The following SNAPC3 variants were observed in gnomAD, a reference collection of about 807,000 sequenced individuals.
SNAPC3 encodes the protein snRNA-activating protein complex subunit 3.
Under a neutral mutation model 47.7 loss-of-function variants are expected in SNAPC3, and 56 were observed. That is an observed-to-expected ratio of 1.18 (90% CI 0.95 to 1.47). The LOEUF is 1.47. Ranked by LOEUF, SNAPC3 falls within the 40% of genes most tolerant of loss-of-function variation. SNAPC3 has a pLI of 0.00. For missense variants in SNAPC3, 665 were observed against 511.3 expected (o/e 1.30, Z -2.90); for synonymous variants, 235 against 189.9 (o/e 1.24, Z -1.95).
Position 15,423,138 on chromosome 9 carries a change from G to A in SNAPC3, c.259G>A (p.Ala87Thr), listed in dbSNP as rs746274132. 5.8e-6 allele frequency: 9 copies of A among 1,563,496 alleles called. No homozygotes were observed. Among genetic ancestry groups the A allele is most frequent in the African/African-American group, 1.4e-5 (1 of 71,164 alleles). Residue 87 changes from alanine (A) to threonine (T), a missense_variant, in exon 1 of 9, where the codon GCC (alanine) becomes ACC (threonine). Physicochemically the swap from Ala to Thr is moderately conservative, Grantham distance 58 (BLOSUM62 0). Transcript: ENST00000380821. Reference protein sequence around the residue: ...ADSDREDAAVARDLDCSLEAA... With the variant: ...ADSDREDAAVTRDLDCSLEAA... ...CTCCGACCGGGAGGATGCCGCGGTG[G>A]CCAGGGATCTGGACTGCAGCCTGGA...
intron 3 of SNAPC3, among the ~76,000 whole-genome samples, chr9:15,437,153 A>G (rs2032899765): frequency 6.6e-6 from 1 of 151,426 alleles, no homozygotes; most frequent in African/African-American, 2.4e-5. Context: ...CTCTTTATGT[A>G]TACAACCCTT....
chr9:15,435,937 A>C (rs147358703), intron 3 of SNAPC3, among the ~76,000 whole-genome samples: 1 of 143,076 alleles, frequency 7.0e-6, no homozygotes, highest in African/African-American at 2.6e-5. Context: ...TCCATCTCCC[A>C]GGTTCAAGTG....
chr9:15,450,939 T>C (rs1172212148), intron 5 of SNAPC3, among the ~76,000 whole-genome samples: 1 of 152,210 alleles, frequency 6.6e-6, no homozygotes, highest in African/African-American at 2.4e-5. Context: ...GAGAGAATTT[T>C]TGTAAAAACA....
Position 15,453,188 on chromosome 9 carries a change from T to G in SNAPC3, c.963T>G (p.Ile321Met). The change falls in exon 7 of 9, where the codon ATT (isoleucine) becomes ATG (methionine). Residue 321 changes from isoleucine (I) to methionine (M), a missense_variant. Physicochemically the swap from Ile to Met is conservative, Grantham distance 10. Transcript: ENST00000380821. ...ATCAGGGAGACTGTGAACATGTCAT[T>G]GTCATTACTGACATAAGGTAGGTGA... ...YCHQGDCEHV[I>M]VITDIRLVHH... 1 of 1,612,600 alleles carries G rather than the reference T, an allele frequency of 6.2e-7. No homozygotes were observed. The highest frequency in any genetic ancestry group is 1.7e-5 in the Admixed American group (1 of 59,852).
rs1387418295 is a variant in SNAPC3, at chr9:15,460,497, TCTC to T, written c.*634_*636del. On this transcript the variant is annotated 3_prime_UTR_variant, in exon 9 of 9. Coordinates refer to ENST00000380821, the MANE Select transcript of SNAPC3 (RefSeq NM_001039697.2). ...CCTCCGCCTCCCGGATTCAAGTGATTCTCCTGCCACAGCCTCCTGAGTAGCTGG... is the reference window on the plus strand; with the variant it reads ...CCTCCGCCTCCCGGATTCAAGTGATTCTGCCACAGCCTCCTGAGTAGCTGG... 5 of 152,264 alleles carry T rather than the reference TCTC, an allele frequency of 3.3e-5. No homozygotes were observed. Among genetic ancestry groups the T allele is most frequent in the Non-Finnish European group, 5.9e-5 (4 of 68,086 alleles). 9.4% of individuals were successfully genotyped at this position (152,264 alleles called of 1,614,324 possible).
rs920632602 is a variant in SNAPC3, at chr9:15,456,308, C to T, written c.981-1652C>T. Among the ~76,000 whole-genome samples, 6 of 152,298 alleles carry T rather than the reference C, an allele frequency of 3.9e-5. No homozygotes were observed. In the East Asian group the frequency reaches 1.2e-3, roughly 29 times the overall value. ...TACAGGCAAGAGCCACTGCGCCTGG[C>T]CTTTTCCGTACATTTCTTATAGTGT... On this transcript the variant is annotated intron_variant, in intron 7 of 8. Transcript: ENST00000380821.
At chr9:15,457,825 T>C (rs2034910786) in intron 7 of SNAPC3, 135 bp from the exon 8 acceptor site, 1 of 584,976 alleles carries the variant, frequency 1.7e-6, no homozygotes, top group Non-Finnish European at 2.9e-6. Context: ...AACAAGTAAT[T>C]CAGCAACATC....
At chr9:15,430,352 A>G (rs888758177) in intron 2 of SNAPC3, among the ~76,000 whole-genome samples, 2 of 152,150 alleles carry the variant, frequency 1.3e-5, no homozygotes, top group African/African-American at 4.8e-5. Context: ...GGATCACTTG[A>G]GCCTAGGAGA....
chr9:15,424,610 C>T (rs780764920), intron 2 of SNAPC3, among the ~76,000 whole-genome samples: 21 of 152,152 alleles, frequency 1.4e-4, no homozygotes, highest in Non-Finnish European at 2.6e-4. Flanking sequence ...ATGGAAGTTT[C>T]TAAATGCTTA....
intron 4 of SNAPC3, 44 bp downstream of exon 4, chr9:15,444,750 T>C (rs2033790969): frequency 9.7e-7 from 1 of 1,028,496 alleles, no homozygotes; most frequent in Non-Finnish European, 1.5e-6. Context: ...ATAGTAACTT[T>C]TGTAAAAGTG....
downstream of SNAPC3, chr9:15,466,596 T>C: frequency 1.7e-6 from 1 of 590,924 alleles, no homozygotes; most frequent in South Asian, 2.9e-5. Context: ...TTTACTCTTC[T>C]TCCTTTTTGA....
chr9:15,445,417 C>T lies in SNAPC3; in HGVS notation c.582+711C>T, dbSNP rs536180385. ...AAGTTATTGAACTAACCAGAGACAG[C>T]TCTTCTTTGATGAAAATACAGAACA... On this transcript the variant is annotated intron_variant, in intron 4 of 8. Coordinates refer to ENST00000380821, the MANE Select transcript of SNAPC3 (RefSeq NM_001039697.2). Among the ~76,000 whole-genome samples, 33 of 152,238 alleles carry T rather than the reference C, an allele frequency of 2.2e-4. No individual in the cohort carries two copies. The South Asian group carries it at 6.4e-3, about 30-fold the overall frequency.
intron 1 of SNAPC3, 141 bp downstream of exon 1, chr9:15,423,334 C>G (rs2030849557): frequency 2.4e-6 from 2 of 822,062 alleles, no homozygotes; most frequent in Non-Finnish European, 3.6e-6. Context: ...AAGCTTTCAA[C>G]CCGCTGGAGC....
chr9:15,443,016 T>G (rs553519976), intron 3 of SNAPC3, among the ~76,000 whole-genome samples: 1 of 151,912 alleles, frequency 6.6e-6, no homozygotes, highest in Non-Finnish European at 1.5e-5. Context: ...CAAAAAAATA[T>G]GAAAACCAGT....
chr9:15,456,868 ATCAT>A (rs1332259608), intron 7 of SNAPC3, among the ~76,000 whole-genome samples: 1 of 152,228 alleles, frequency 6.6e-6, no homozygotes, highest in Non-Finnish European at 1.5e-5. Flanking sequence ...GGTGGATTTA[ATCAT>A]TCATTGCCAT....
intron 1 of SNAPC3, 70 bp from the exon 2 acceptor site, chr9:15,423,839 A>G: frequency 2.2e-6 from 2 of 902,288 alleles, no homozygotes; most frequent in Non-Finnish European, 3.3e-6. Context: ...TATTTAGGAA[A>G]ACAACCCTAA....
Position 15,451,678 on chromosome 9 carries a change from T to G in SNAPC3, c.815+276T>G, listed in dbSNP as rs2034397647. ...TGTGAATACCCACTGCTTTCCAGCC[T>G]GGGTAATATAGCAAGACTCTGTCTC... On this transcript the variant is annotated intron_variant, in intron 6 of 8. Transcript: ENST00000380821. 1.3e-5 allele frequency among the ~76,000 whole-genome samples: 2 copies of G among 152,194 alleles called. 1 individual carries two copies. The highest frequency in any genetic ancestry group is 4.8e-5 in the African/African-American group (2 of 41,522).
chr9:15,429,192 G>A (rs1402571325), intron 2 of SNAPC3, among the ~76,000 whole-genome samples: 2 of 150,816 alleles, frequency 1.3e-5, no homozygotes, highest in Non-Finnish European at 2.9e-5. Flanking sequence ...ACATAGAGCA[G>A]TGTTTTTTTT....
intron 4 of SNAPC3, 83 bp downstream of exon 4, chr9:15,444,789 T>C: frequency 2.7e-6 from 2 of 731,326 alleles, no homozygotes; most frequent in South Asian, 3.5e-5. Flanking sequence ...CATATTCCTA[T>C]GCTTACATTA....
Sources: allele counts gnomAD v4.1 joint callset (sites outside exome capture counted in the v4.1 genomes callset), GRCh38; gene constraint gnomAD v4.1.1; transcripts MANE v1.5; gene names NCBI Gene and HGNC (gene_info 2026-07-23, HGNC 2026-07-21).